CATSPERB: variants seen among roughly 807,000 people sequenced by gnomAD.
CATSPERB encodes catsper channel auxiliary subunit beta.
In CATSPERB, 93 loss-of-function variants were observed where a neutral mutation model predicts 128.3. The observed-to-expected ratio is 0.72, with a 90% CI of 0.61 to 0.86. CATSPERB has a LOEUF of 0.86. Ranked by LOEUF, CATSPERB falls within the 40% of genes least tolerant of loss-of-function variation. The probability of loss-of-function intolerance (pLI) is 0.00; values close to 1 mark genes in which losing one functional copy is unlikely to be tolerated. For synonymous variants in CATSPERB, 381 were observed against 448.8 expected (o/e 0.85, Z 1.91); for missense variants, 1,153 against 1,329.5 (o/e 0.87, Z 2.06).
chr14:91,661,675 G>A (rs1894888049), intron 14 of CATSPERB, among the ~76,000 whole-genome samples: 1 of 151,776 alleles, frequency 6.6e-6, no homozygotes, highest in East Asian at 1.9e-4. Context: ...TGGGACTACA[G>A]GCATAAGCCA....
rs558336501 is a variant in CATSPERB, at chr14:91,653,346, AGTTCATT to A, written c.1432+6484_1432+6490del. On this transcript the variant is annotated intron_variant, in intron 15 of 26. Transcript: ENST00000256343. ...CAAAAGTTACCCAATAATCTATAAT[AGTTCATT>A]GTTGAGGCAATATTGAGAGAAGGAA... is the stretch of plus-strand genomic sequence containing the variant. 7.2e-5 allele frequency among the ~76,000 whole-genome samples: 11 copies of A among 152,332 alleles called. No individual in the cohort carries two copies. In the East Asian group the frequency reaches 2.1e-3, roughly 29 times the overall value.
At chr14:91,641,376 C>T (rs1436041857) in intron 15 of CATSPERB, among the ~76,000 whole-genome samples, 2 of 150,496 alleles carry the variant, frequency 1.3e-5, no homozygotes, top group Admixed American at 1.3e-4. Flanking sequence ...TTAGGTCTAA[C>T]GTTTAAATCT....
At chr14:91,633,490 T>C (rs1258941109) in intron 17 of CATSPERB, among the ~76,000 whole-genome samples, 1 of 151,850 alleles carries the variant, frequency 6.6e-6, no homozygotes, top group African/African-American at 2.4e-5. Flanking sequence ...AAGGGCAATA[T>C]GAGAAAGAAA....
intron 24 of CATSPERB, among the ~76,000 whole-genome samples, chr14:91,588,626 C>A (rs1387368900): frequency 6.6e-6 from 1 of 152,060 alleles, no homozygotes; most frequent in Non-Finnish European, 1.5e-5. Context: ...TAAAGGTACA[C>A]AGAATCTAAA....
chr14:91,677,746 G>T (rs1895215482), intron 11 of CATSPERB, among the ~76,000 whole-genome samples: 1 of 152,018 alleles, frequency 6.6e-6, no homozygotes, highest in Non-Finnish European at 1.5e-5. Flanking sequence ...TACTATAAAG[G>T]CACATGCGCA....
In CATSPERB at chr14:91,675,744, A is replaced by G. The variant is rs550237528; in HGVS notation, c.932-1522T>C. 2.0e-5 allele frequency among the ~76,000 whole-genome samples: 3 copies of G among 152,206 alleles called. No individual in the cohort carries two copies. The South Asian group carries it at 6.2e-4, about 32-fold the overall frequency. On this transcript the variant is annotated intron_variant, in intron 11 of 26. Transcript: ENST00000256343. ...TCCTTCTTTCTCTACCCTTTAAGGC[A>G]GCCTGTCTAAGCCCCCCACTCAATC...
intron 22 of CATSPERB, among the ~76,000 whole-genome samples, chr14:91,596,076 T>C (rs1438436014): frequency 6.6e-6 from 1 of 152,180 alleles, no homozygotes; most frequent in Non-Finnish European, 1.5e-5. Flanking sequence ...TTCTGCTTGA[T>C]AGTCATGAAC....
chr14:91,608,536 C>G, intron 21 of CATSPERB, 132 bp from the exon 22 acceptor site: 1 of 620,018 alleles, frequency 1.6e-6, no homozygotes. Flanking sequence ...GTAAATTTAT[C>G]TCCCCCAACT....
intron 17 of CATSPERB, among the ~76,000 whole-genome samples, chr14:91,634,094 A>C (rs181499395): frequency 6.6e-6 from 1 of 152,334 alleles, no homozygotes; most frequent in Non-Finnish European, 1.5e-5. Context: ...CAAGTAGGCT[A>C]TTGTTGACTG....
intron 15 of CATSPERB, among the ~76,000 whole-genome samples, chr14:91,648,600 T>C (rs1050559490): frequency 2.9e-5 from 4 of 137,666 alleles, no homozygotes; most frequent in Non-Finnish European, 1.6e-5. Flanking sequence ...TTTTAGAGCA[T>C]TGACTCAATA....
chr14:91,616,733 C>CTTTTT (rs1555360386), intron 20 of CATSPERB, among the ~76,000 whole-genome samples: 17 of 84,500 alleles, frequency 2.0e-4, no homozygotes, highest in Non-Finnish European at 3.6e-4. Flanking sequence ...AAGTATTCCC[C>CTTTTT]TTTTTTTTTT....
At chr14:91,713,495 T>TA (rs1290468475) in intron 5 of CATSPERB, among the ~76,000 whole-genome samples, 1 of 152,128 alleles carries the variant, frequency 6.6e-6, no homozygotes, top group African/African-American at 2.4e-5. Context: ...GGAACACCAC[T>TA]ACAGACACTA....
intron 1 of CATSPERB, among the ~76,000 whole-genome samples, chr14:91,730,910 A>G (rs1896199637): frequency 6.6e-6 from 1 of 152,350 alleles, no homozygotes; most frequent in South Asian, 2.1e-4. Flanking sequence ...TTTAAAAATC[A>G]TCTGAGAAAA....
intron 22 of CATSPERB, among the ~76,000 whole-genome samples, chr14:91,600,447 T>C (rs1893590155): frequency 6.6e-6 from 1 of 152,190 alleles, no homozygotes; most frequent in Non-Finnish European, 1.5e-5. Context: ...TATAAAGAAA[T>C]ACCTGAGACT....
intron 11 of CATSPERB, among the ~76,000 whole-genome samples, chr14:91,682,087 T>A (rs1895291345): frequency 6.6e-6 from 1 of 152,224 alleles, no homozygotes; most frequent in East Asian, 1.9e-4. Flanking sequence ...CTGCTGAGTC[T>A]GTGGGGAATT....
At chr14:91,687,426 A>G (rs1035287993) in intron 10 of CATSPERB, among the ~76,000 whole-genome samples, 3 of 152,124 alleles carry the variant, frequency 2.0e-5, no homozygotes, top group Non-Finnish European at 4.4e-5. Context: ...GTCCTCTTAT[A>G]AAAGAGAACC....
At position 91,585,994 on chromosome 14, in the gene CATSPERB, T is replaced by A. The variant is rs115162409; in HGVS notation, c.3132+1208A>T. Among the ~76,000 whole-genome samples the A allele has an allele frequency of 8.0e-3, 1,213 of 152,336 alleles. 19 individuals carry two copies. Among genetic ancestry groups the A allele is most frequent in the African/African-American group, 0.027 (1,143 of 41,566 alleles). On this transcript the variant is annotated intron_variant, in intron 26 of 26. Transcript: ENST00000256343. ...TGTGGGTGGTGGTTTCAATGTCAGT[T>A]CAGTTTTCCAAGCTGTTGCTATGCT... is the stretch of plus-strand genomic sequence containing the variant.
chr14:91,611,892 A>G (rs1377018002), intron 20 of CATSPERB, among the ~76,000 whole-genome samples: 13 of 152,178 alleles, frequency 8.5e-5, no homozygotes, highest in Non-Finnish European at 1.9e-4. Flanking sequence ...TTTTTTAAAG[A>G]CTTATTAAAT....
intron 3 of CATSPERB, among the ~76,000 whole-genome samples, chr14:91,724,308 T>G (rs531744219): frequency 6.6e-6 from 1 of 152,290 alleles, no homozygotes; most frequent in East Asian, 1.9e-4. Context: ...TGTAAGTCCG[T>G]CTTCTTCCAA....
Sources: gnomAD v4.1 joint callset for allele counts (sites outside exome capture counted in the v4.1 genomes callset) on GRCh38, gnomAD v4.1.1 for gene constraint, MANE v1.5 for transcripts, NCBI Gene and HGNC (gene_info 2026-07-23, HGNC 2026-07-21) for gene names.